TRHDE: variants seen among roughly 807,000 people sequenced by gnomAD.
TRHDE encodes thyrotropin-releasing hormone-degrading ectoenzyme.
Under a neutral mutation model 125.7 loss-of-function variants are expected in TRHDE, and 72 were observed. The observed-to-expected ratio is 0.57, with a 90% confidence interval of 0.47 to 0.70. The LOEUF (loss-of-function observed/expected upper bound fraction) is 0.70. TRHDE is among the 30% of genes least tolerant of loss of function. The pLI is 0.00. For synonymous variants in TRHDE, 509 were observed against 509.1 expected (o/e 1.00, Z 0.00); for missense variants, 1,110 against 1,327.1 (o/e 0.84, Z 2.54).
intron 2 of TRHDE, among the ~76,000 whole-genome samples, chr12:72,149,533 G>A (rs1398387570): frequency 6.6e-6 from 1 of 151,632 alleles, no homozygotes; most frequent in Admixed American, 6.6e-5. Flanking sequence ...TTTGCATGTT[G>A]TTTCAAAGCA....
chr12:72,563,714 A>C (rs1440020773), intron 9 of TRHDE, among the ~76,000 whole-genome samples: 1 of 150,880 alleles, frequency 6.6e-6, no homozygotes, highest in Non-Finnish European at 1.5e-5. Flanking sequence ...TTAAAGTCTG[A>C]GCCAAAGAAA....
chr12:72,662,673 T>C (rs767273446), intron 18 of TRHDE, among the ~76,000 whole-genome samples: 40 of 152,182 alleles, frequency 2.6e-4, no homozygotes, highest in Non-Finnish European at 1.0e-4. Context: ...GGCTACTTGG[T>C]GCATTGTATA....
intron 2 of TRHDE, among the ~76,000 whole-genome samples, chr12:72,241,791 A>G (rs1269699155): frequency 6.6e-6 from 1 of 152,142 alleles, no homozygotes; most frequent in Non-Finnish European, 1.5e-5. Context: ...GCTGCTCTGA[A>G]TGTTCACCTG....
chr12:72,386,459 G>T (rs1170317776), intron 3 of TRHDE, among the ~76,000 whole-genome samples: 1 of 152,038 alleles, frequency 6.6e-6, no homozygotes, highest in Non-Finnish European at 1.5e-5. Flanking sequence ...TTTCTCATCT[G>T]CTCAAGGACA....
intron 2 of TRHDE, among the ~76,000 whole-genome samples, chr12:72,161,445 A>G (rs1876635553): frequency 6.6e-6 from 1 of 152,094 alleles, no homozygotes; most frequent in Non-Finnish European, 1.5e-5. Context: ...AAAAAAAAAA[A>G]AAAAATTGCT....
chr12:72,138,067 T>C (rs76412998), intron 2 of TRHDE, among the ~76,000 whole-genome samples: 1 of 152,288 alleles, frequency 6.6e-6, no homozygotes, highest in Non-Finnish European at 1.5e-5. Flanking sequence ...GAATGGTCAC[T>C]GAACATTGGC....
chr12:72,580,785 T>A (rs1871189846), intron 12 of TRHDE, among the ~76,000 whole-genome samples: 1 of 152,184 alleles, frequency 6.6e-6, no homozygotes, highest in African/African-American at 2.4e-5. Flanking sequence ...AAAGCATGGT[T>A]ATATTGGGGG....
chr12:72,323,772 A>G (rs945830586), intron 2 of TRHDE, among the ~76,000 whole-genome samples: 3 of 152,112 alleles, frequency 2.0e-5, no homozygotes, highest in South Asian at 2.1e-4. Context: ...GTTGTGATGT[A>G]TAGAGAGATG....
chr12:72,496,295 G>A (rs567723109), intron 5 of TRHDE, among the ~76,000 whole-genome samples: 14 of 152,252 alleles, frequency 9.2e-5, no homozygotes, highest in Non-Finnish European at 1.8e-4. Context: ...CTGTTCTCAT[G>A]CTGCTAATAG....
At chr12:72,234,741 CT>C (rs918669610) in intron 2 of TRHDE, among the ~76,000 whole-genome samples, 54 of 152,186 alleles carry the variant, frequency 3.5e-4, no homozygotes, top group African/African-American at 1.2e-3. Context: ...AAAAAATCTA[CT>C]TTGTCTTAAA....
chr12:72,312,786 A>C (rs1228335417), intron 2 of TRHDE, among the ~76,000 whole-genome samples: 2 of 152,210 alleles, frequency 1.3e-5, no homozygotes, highest in East Asian at 3.8e-4. Context: ...ATTATAAAAA[A>C]GTATTTGGTC....
intron 2 of TRHDE, chr12:72,254,682 C>T (rs1397444592): frequency 1.3e-5 from 2 of 152,136 alleles, no homozygotes; most frequent in African/African-American, 4.8e-5. Flanking sequence ...CCACAGGTAC[C>T]CACTTAACCA....
At chr12:72,232,632 G>A (rs1385836325) in intron 2 of TRHDE, among the ~76,000 whole-genome samples, 1 of 152,094 alleles carries the variant, frequency 6.6e-6, no homozygotes, top group Non-Finnish European at 1.5e-5. Context: ...TGAGAAATTT[G>A]AGAACTCAGC....
chr12:72,100,410 A>C (rs993322262), intron 1 of TRHDE, among the ~76,000 whole-genome samples: 2 of 152,154 alleles, frequency 1.3e-5, no homozygotes, highest in African/African-American at 4.8e-5. Flanking sequence ...TTATAACTTT[A>C]GTACTCCGAA....
chr12:72,186,238 G>A (rs910449968), intron 2 of TRHDE: 2 of 170,984 alleles, frequency 1.2e-5, no homozygotes, highest in African/African-American at 2.4e-5. Context: ...TGAGCCCAGC[G>A]AGACCACGAG....
At position 72,635,851 on chromosome 12, in the gene TRHDE, C is replaced by T. The variant is rs1298437819; in HGVS notation, c.2675+14100C>T. On this transcript the variant is annotated intron_variant, in intron 15 of 18. Transcript: ENST00000261180. ...TATTTCTGAGGGCTCTGTTCTGTTCCATTGATCTATATCTCTGTTTTGGTA... is the reference window on the plus strand; with the variant it reads ...TATTTCTGAGGGCTCTGTTCTGTTCTATTGATCTATATCTCTGTTTTGGTA... Among the ~76,000 whole-genome samples the T allele has an allele frequency of 7.9e-5, 12 of 152,196 alleles. No individual in the cohort carries two copies. In the East Asian group the frequency reaches 2.3e-3, roughly 29 times the overall value.
chr12:72,515,718 T>C (rs1878817822), intron 6 of TRHDE, among the ~76,000 whole-genome samples: 1 of 152,084 alleles, frequency 6.6e-6, no homozygotes, highest in African/African-American at 2.4e-5. Context: ...TCCTTGCCCA[T>C]GCCTATGTCC....
intron 7 of TRHDE, among the ~76,000 whole-genome samples, chr12:72,558,442 A>G (rs1870024495): frequency 6.6e-6 from 1 of 152,232 alleles, no homozygotes; most frequent in South Asian, 2.1e-4. Context: ...AAGTGGCTAA[A>G]TTAATGCAGG....
chr12:72,634,141 T>C (rs1019382418), intron 15 of TRHDE, among the ~76,000 whole-genome samples: 1 of 152,088 alleles, frequency 6.6e-6, no homozygotes, highest in African/African-American at 2.4e-5. Flanking sequence ...TAAGGAATTA[T>C]TATCCCCATT....
Sources: allele counts gnomAD v4.1 joint callset (sites outside exome capture counted in the v4.1 genomes callset), GRCh38; gene constraint gnomAD v4.1.1; transcripts MANE v1.5; gene names NCBI Gene and HGNC (gene_info 2026-07-23, HGNC 2026-07-21).